ADK: variants seen among roughly 807,000 people sequenced by gnomAD.
ADK encodes the protein adenosine kinase, also known as N6,N6-dimethyladenosine kinase.
In ADK, 24 loss-of-function variants were observed where a neutral mutation model predicts 44.7. The ratio of observed to expected loss-of-function variants is 0.54; its 90% CI spans 0.39 to 0.76. ADK has a LOEUF of 0.76. Among genes scored for constraint, ADK ranks in the 30% least tolerant of loss-of-function variants. ADK has a pLI of 0.00. For missense variants in ADK, 321 were observed against 425.1 expected (o/e 0.76, Z 2.15); for synonymous variants, 128 against 142.6 (o/e 0.90, Z 0.73).
rs1168488776 is a variant in ADK, at chr10:74,186,252, TTCCCCTTTCCCTTCTCCCTTC to T, written c.66-14494_66-14474del. ...CCTCCTTTCCCTTCCCCTTCCGCCT[TTCCCCTTTCCCTTCTCCCTTC>T]TCCCCTTTCCCTTCTCCTTTCCTTT... On this transcript the variant is annotated intron_variant, in intron 1 of 10. Coordinates refer to ENST00000539909, the MANE Select transcript of ADK (RefSeq NM_006721.4). Among the ~76,000 whole-genome samples the T allele has an allele frequency of 4.7e-5, 7 of 150,018 alleles. No homozygotes were observed. The East Asian group carries it at 1.2e-3, about 26-fold the overall frequency.
intron 10 of ADK, among the ~76,000 whole-genome samples, chr10:74,707,082 T>C (rs948528439): frequency 6.6e-6 from 1 of 152,176 alleles, no homozygotes; most frequent in Non-Finnish European, 1.5e-5. Flanking sequence ...GTTACCCAGG[T>C]TGGGGTGCAG....
chr10:74,553,090 G>A (rs1178174992), intron 7 of ADK, among the ~76,000 whole-genome samples: 1 of 149,644 alleles, frequency 6.7e-6, no homozygotes, highest in Non-Finnish European at 1.5e-5. Flanking sequence ...TCATTTACCT[G>A]AGAAGAACAA....
chr10:74,547,236 C>T lies in ADK; in HGVS notation c.726+21810C>T, dbSNP rs956629030. ...TTTTTCTAGCTGTCCCAAGAATGTTCTTTCTAGTGATTTTGTTTTCCAGGA... is the reference window on the plus strand; with the variant it reads ...TTTTTCTAGCTGTCCCAAGAATGTTTTTTCTAGTGATTTTGTTTTCCAGGA... On this transcript the variant is annotated intron_variant, in intron 7 of 10. Transcript: ENST00000539909. 3.9e-5 allele frequency among the ~76,000 whole-genome samples: 6 copies of T among 151,966 alleles called. No individual in the cohort carries two copies. The South Asian group carries it at 8.3e-4, about 21-fold the overall frequency.
chr10:74,280,206 G>A (rs1164110140), intron 3 of ADK, among the ~76,000 whole-genome samples: 2 of 151,852 alleles, frequency 1.3e-5, no homozygotes, highest in African/African-American at 4.8e-5. Flanking sequence ...TTCCTCAAGC[G>A]ATTCTCCTGC....
intron 6 of ADK, among the ~76,000 whole-genome samples, chr10:74,471,883 T>C (rs1216055858): frequency 6.6e-6 from 1 of 152,246 alleles, no homozygotes; most frequent in Non-Finnish European, 1.5e-5. Flanking sequence ...ATTTATTTAT[T>C]CCTCCTAATA....
intron 2 of ADK, among the ~76,000 whole-genome samples, chr10:74,208,765 C>T (rs1843696883): frequency 6.6e-6 from 1 of 151,292 alleles, no homozygotes; most frequent in African/African-American, 2.4e-5. Flanking sequence ...GAGTTGGAGT[C>T]TTGCTCTGTC....
chr10:74,557,021 C>A (rs1850277587), intron 7 of ADK, among the ~76,000 whole-genome samples: 1 of 152,140 alleles, frequency 6.6e-6, no homozygotes, highest in South Asian at 2.1e-4. Flanking sequence ...CTCTTTCTAA[C>A]CATTAATAAG....
chr10:74,208,250 G>A (rs984286324), intron 2 of ADK, among the ~76,000 whole-genome samples: 3 of 152,262 alleles, frequency 2.0e-5, no homozygotes, highest in East Asian at 1.9e-4. Context: ...GCACTCAGGA[G>A]GGTGGGGCTC....
At chr10:74,661,511 C>T (rs534362646) in intron 9 of ADK, among the ~76,000 whole-genome samples, 9 of 152,264 alleles carry the variant, frequency 5.9e-5, no homozygotes, top group South Asian at 4.1e-4. Flanking sequence ...AGTGCTTTTT[C>T]ACTCAGATAA....
intron 1 of ADK, among the ~76,000 whole-genome samples, chr10:74,195,707 C>CTTTTTTTT (rs71475265): frequency 1.4e-4 from 14 of 97,522 alleles, no homozygotes; most frequent in Non-Finnish European, 1.9e-4. Context: ...TCTTTTCTTT[C>CTTTTTTTT]TTTTTTTTTT....
intron 6 of ADK, among the ~76,000 whole-genome samples, chr10:74,502,778 A>G (rs1040348200): frequency 1.3e-5 from 2 of 152,150 alleles, no homozygotes; most frequent in Non-Finnish European, 2.9e-5. Context: ...AAGATAATGT[A>G]TTACCCCCTG....
At chr10:74,606,564 C>T (rs1055367796) in intron 9 of ADK, among the ~76,000 whole-genome samples, 2 of 152,128 alleles carry the variant, frequency 1.3e-5, no homozygotes, top group Admixed American at 6.5e-5. Context: ...TTTCTTAGTC[C>T]TGAGTTCTAA....
chr10:74,268,996 A>C (rs189574597), intron 3 of ADK, among the ~76,000 whole-genome samples: 167 of 152,350 alleles, frequency 1.1e-3, no homozygotes, highest in African/African-American at 3.9e-3. Flanking sequence ...CAAGGGAGAA[A>C]GATGAATGAT....
chr10:74,218,695 G>C (rs1844165320), intron 2 of ADK, among the ~76,000 whole-genome samples: 1 of 152,226 alleles, frequency 6.6e-6, no homozygotes, highest in South Asian at 2.1e-4. Flanking sequence ...CAAGCCAGAA[G>C]AGAGTGGGGG....
At chr10:74,220,398 A>C (rs1844258567) in intron 2 of ADK, among the ~76,000 whole-genome samples, 1 of 152,156 alleles carries the variant, frequency 6.6e-6, no homozygotes, top group African/African-American at 2.4e-5. Context: ...AACCAAAAAG[A>C]GTCCAGGACC....
chr10:74,669,066 T>C (rs1184943850), intron 9 of ADK, among the ~76,000 whole-genome samples: 1 of 152,076 alleles, frequency 6.6e-6, no homozygotes, highest in African/African-American at 2.4e-5. Flanking sequence ...TAAAAAAGAT[T>C]GACTAAGTGA....
chr10:74,372,337 AGCCTGCCACGGAAGGCTG>A (rs1050816349), intron 4 of ADK: 238 of 749,824 alleles, frequency 3.2e-4, no homozygotes, highest in Non-Finnish European at 5.3e-4. Context: ...TGGAGTGCTG[AGCCTGCCACGGAAGGCTG>A]GTCCACAGCT....
intron 4 of ADK, among the ~76,000 whole-genome samples, chr10:74,328,733 G>A (rs1206765080): frequency 1.3e-5 from 2 of 152,094 alleles, no homozygotes; most frequent in Non-Finnish European, 1.5e-5. Flanking sequence ...TTGCGTTCCA[G>A]CGTGATTGTA....
rs762543643 is a variant in ADK, at chr10:74,708,467, C to T, written c.*22C>T. 6.2e-7 allele frequency: 1 copy of T among 1,607,186 alleles called. No homozygotes were observed. The highest frequency in any genetic ancestry group is 1.7e-5 in the Admixed American group (1 of 59,862). The stretch of plus-strand genomic sequence containing the variant: ...CTGATGGAAGAGCTGAAAACACAAG[C>T]CCAGGAGTGCAGACACTGCCCTAAT... On this transcript the variant is annotated 3_prime_UTR_variant, in exon 11 of 11. Transcript: ENST00000539909.
Sources: allele counts gnomAD v4.1 joint callset (sites outside exome capture counted in the v4.1 genomes callset), GRCh38; gene constraint gnomAD v4.1.1; transcripts MANE v1.5; gene names NCBI Gene and HGNC (gene_info 2026-07-23, HGNC 2026-07-21).